Variants in FXN observed in about 807,000 individuals in gnomAD.
FXN encodes the protein frataxin, also known as frataxin, mitochondrial.
In FXN, 14 loss-of-function variants were observed where a neutral mutation model predicts 22.4. The ratio of observed to expected loss-of-function variants is 0.62; its 90% CI spans 0.41 to 0.98. FXN has a LOEUF of 0.98. FXN is among the 50% of genes least tolerant of loss of function. The pLI is 0.00. For synonymous variants in FXN, 120 were observed against 114.1 expected, an observed-to-expected ratio of 1.05 and a Z score of -0.33; for missense variants, 267 against 268.4, an observed-to-expected ratio of 0.99 and a Z score of 0.04.
chr9:69,044,604 C>T (rs570147887), intron 1 of FXN, among the ~76,000 whole-genome samples: 5 of 152,302 alleles, frequency 3.3e-5, no homozygotes, highest in African/African-American at 1.2e-4. Flanking sequence ...TAAAGCCCTT[C>T]GGTGCCTTCC....
At chr9:69,058,068 C>T (rs1410790033) in intron 3 of FXN, among the ~76,000 whole-genome samples, 1 of 152,204 alleles carries the variant, frequency 6.6e-6, no homozygotes, top group Non-Finnish European at 1.5e-5. Context: ...TTTACCAACT[C>T]GCTACTGGCC....
chr9:69,054,011 A>G (rs1330571273), intron 3 of FXN, among the ~76,000 whole-genome samples: 1 of 151,928 alleles, frequency 6.6e-6, no homozygotes, highest in Non-Finnish European at 1.5e-5. Context: ...TAGTATGAGA[A>G]CTTGTTTTTT....
chr9:69,041,193 C>T (rs1831651765), intron 1 of FXN, among the ~76,000 whole-genome samples: 1 of 152,188 alleles, frequency 6.6e-6, no homozygotes, highest in Non-Finnish European at 1.5e-5. Flanking sequence ...TCGTACCCTC[C>T]TTTTCTTAGA....
intron 2 of FXN, among the ~76,000 whole-genome samples, chr9:69,047,336 GACACACACACACAGACACACAC>G (rs958339418): frequency 6.8e-6 from 1 of 146,658 alleles, no homozygotes; most frequent in African/African-American, 2.5e-5. Context: ...CACAGACACA[GACACACACACACAGACACACAC>G]ACACACACAC....
At chr9:69,046,531 C>G (rs1564331086) in intron 2 of FXN, 49 bp downstream of exon 2, 8 of 1,299,170 alleles carry the variant, frequency 6.2e-6, no homozygotes, top group East Asian at 2.4e-5. Flanking sequence ...CTCTCCTTCC[C>G]TGCCTCTCCC....
At chr9:69,071,358 T>C (rs1262204535) in intron 4 of FXN, 1 of 508,416 alleles carries the variant, frequency 2.0e-6, no homozygotes, top group Non-Finnish European at 3.9e-6. Context: ...TGCCCAAGCT[T>C]CCCTTCCTGG....
In FXN at chr9:69,078,412, T is replaced by C; in HGVS notation, c.*5650T>C. On this transcript the variant is annotated 3_prime_UTR_variant, in exon 5 of 5. Transcript: ENST00000484259. ...AGGTCCTCATCATTTTTCACCTGCA[T>C]TTTTGCAGGAGCTTTCTTATATCCA... 18 of 985,424 alleles carry C rather than the reference T, an allele frequency of 1.8e-5. No homozygotes were observed. Among genetic ancestry groups the C allele is most frequent in the Non-Finnish European group, 2.2e-5 (18 of 829,938 alleles). The allele number at this position is 985,424 out of a possible 1,614,324, so 61.0% of individuals were successfully genotyped here. A position where few individuals can be genotyped will look rare whatever the true frequency, so the allele number is the denominator to read the frequency against.
intron 4 of FXN, among the ~76,000 whole-genome samples, chr9:69,066,260 G>A (rs1251645356): frequency 2.6e-5 from 4 of 152,104 alleles, no homozygotes; most frequent in East Asian, 1.9e-4. Flanking sequence ...AAAGACTAAC[G>A]GTATTTGCAT....
chr9:69,076,655 A>T lies in FXN; in HGVS notation c.*3893A>T. On this transcript the variant is annotated 3_prime_UTR_variant, in exon 5 of 5. Transcript: ENST00000484259. The stretch of plus-strand genomic sequence containing the variant: ...CCTCTAAAGGAAGACCCATGTTCAT[A>T]GTGATGGAGTTTGTGTGGACTAACC... 1 of 985,474 alleles carries T rather than the reference A, an allele frequency of 1.0e-6. No individual in the cohort carries two copies. Among genetic ancestry groups the T allele is most frequent in the Non-Finnish European group, 1.2e-6 (1 of 829,946 alleles). 61.0% of individuals were successfully genotyped at this position (985,474 alleles called of 1,614,324 possible).
At position 69,074,514 on chromosome 9, in the gene FXN, C is replaced by T. The variant is rs1403483162; in HGVS notation, c.*1752C>T. On this transcript the variant is annotated 3_prime_UTR_variant, in exon 5 of 5. Coordinates refer to ENST00000484259, the MANE Select transcript of FXN (RefSeq NM_000144.5). ...GTACCTGAGCGACAGAGCGAGACTCCGTCTCAAAAAAAAAAAAAAGGAGGG... is the reference window on the plus strand; with the variant it reads ...GTACCTGAGCGACAGAGCGAGACTCTGTCTCAAAAAAAAAAAAAAGGAGGG... 7 of 943,910 alleles carry T rather than the reference C, an allele frequency of 7.4e-6. No homozygotes were observed. Among genetic ancestry groups the T allele is most frequent in the African/African-American group, 6.7e-5 (3 of 44,750 alleles). The allele number at this position is 943,910 out of a possible 1,614,324, so 58.5% of individuals were successfully genotyped here.
chr9:69,036,384 TTGTG>T (rs1250199485), intron 1 of FXN, among the ~76,000 whole-genome samples: 5 of 152,148 alleles, frequency 3.3e-5, no homozygotes, highest in South Asian at 2.1e-4. Flanking sequence ...AGCGTGTGTG[TTGTG>T]TGTGTGTGTT....
At position 69,064,046 on chromosome 9, in the gene FXN, A is replaced by G. The variant is rs114290500; in HGVS notation, c.385-892A>G. 9.4e-3 allele frequency among the ~76,000 whole-genome samples: 1,428 copies of G among 152,258 alleles called. 24 individuals carry two copies. Among genetic ancestry groups the G allele is most frequent in the African/African-American group, 0.029 (1,214 of 41,540 alleles). ...CATTCAGAGCCTCTCGATTGGATGG[A>G]GGCTCTAGAATGCACAGAAAAAGGC... On this transcript the variant is annotated intron_variant, in intron 3 of 4. Coordinates refer to ENST00000484259, the MANE Select transcript of FXN (RefSeq NM_000144.5).
rs557603458 is a variant in FXN at position 69,078,645 on chromosome 9, C to G, written c.*5883C>G. On this transcript the variant is annotated 3_prime_UTR_variant, in exon 5 of 5. Transcript: ENST00000484259. Reference sequence around the variant, plus strand: ...CCCCTCACACTCAACACTTTGACTCCAGCAATCCCAAATCCCCAGATCCCT... The same window carrying G: ...CCCCTCACACTCAACACTTTGACTCGAGCAATCCCAAATCCCCAGATCCCT... 3 of 985,284 alleles carry G rather than the reference C, an allele frequency of 3.0e-6. No homozygotes were observed. The Admixed American group carries it at 1.9e-4, about 61-fold the overall frequency. The allele number at this position is 985,284 out of a possible 1,614,324, so 61.0% of individuals were successfully genotyped here.
At chr9:69,045,725 C>T (rs1222913382) in intron 1 of FXN, among the ~76,000 whole-genome samples, 3 of 152,114 alleles carry the variant, frequency 2.0e-5, no homozygotes, top group African/African-American at 7.2e-5. Flanking sequence ...TGAATTTACT[C>T]CGAAACTAGC....
intron 3 of FXN, among the ~76,000 whole-genome samples, chr9:69,054,534 CAG>C (rs1831919362): frequency 1.3e-5 from 2 of 151,902 alleles, no homozygotes; most frequent in Admixed American, 6.6e-5. Context: ...TTTTTTGAGA[CAG>C]AGTCTCCCTC....
chr9:69,048,009 C>T (rs1484939306), intron 2 of FXN, among the ~76,000 whole-genome samples: 2 of 152,150 alleles, frequency 1.3e-5, no homozygotes, highest in East Asian at 1.9e-4. Context: ...TGAGCCACTG[C>T]GCCCAGCCCA....
intron 2 of FXN, among the ~76,000 whole-genome samples, chr9:69,048,782 A>G (rs1488313107): frequency 6.6e-6 from 1 of 152,164 alleles, no homozygotes; most frequent in Non-Finnish European, 1.5e-5. Flanking sequence ...CCCCAGAGCT[A>G]TATGCTCAGT....
At chr9:69,062,843 A>G (rs1297120135) in intron 3 of FXN, among the ~76,000 whole-genome samples, 1 of 151,906 alleles carries the variant, frequency 6.6e-6, no homozygotes, top group Admixed American at 6.6e-5. Flanking sequence ...TACACTTAAC[A>G]TGGTTAATAT....
chr9:69,047,255 G>A (rs1012865726), intron 2 of FXN, among the ~76,000 whole-genome samples: 15 of 151,966 alleles, frequency 9.9e-5, no homozygotes, highest in Admixed American at 8.5e-4. Context: ...AGCCACCTCC[G>A]AGTCCAAGAT....
Sources: gnomAD v4.1 joint callset for allele counts (sites outside exome capture counted in the v4.1 genomes callset) on GRCh38, gnomAD v4.1.1 for gene constraint, MANE v1.5 for transcripts, NCBI Gene and HGNC (gene_info 2026-07-23, HGNC 2026-07-21) for gene names.